The following DOCK1 variants were observed in gnomAD, a reference collection of about 807,000 sequenced individuals.
The protein encoded by DOCK1 is dedicator of cytokinesis protein 1.
In DOCK1, 138 loss-of-function variants were observed where a neutral mutation model predicts 262.7. The observed-to-expected ratio is 0.53, with a 90% CI of 0.46 to 0.61. The LOEUF (loss-of-function observed/expected upper bound fraction) is 0.61. DOCK1 is among the 20% of genes least tolerant of loss of function. The pLI, the probability that DOCK1 is intolerant of heterozygous loss-of-function variation, is 0.00. For missense variants in DOCK1, 1,908 were observed against 2,370.7 expected, an observed-to-expected ratio of 0.80 and a Z score of 4.05; for synonymous variants, 866 against 867.4, an observed-to-expected ratio of 1.00 and a Z score of 0.03.
At chr10:127,231,316 G>C (rs1203528692) in intron 27 of DOCK1, among the ~76,000 whole-genome samples, 1 of 151,032 alleles carries the variant, frequency 6.6e-6, no homozygotes, top group African/African-American at 2.4e-5. Flanking sequence ...TACGAATTCA[G>C]TACTATTCGA....
intron 23 of DOCK1, among the ~76,000 whole-genome samples, chr10:127,069,653 G>A (rs972653073): frequency 6.6e-6 from 1 of 152,102 alleles, no homozygotes. Context: ...GACCGTCTAG[G>A]TCACATTGTC....
At chr10:127,403,270 C>T in intron 39 of DOCK1, 126 bp downstream of exon 39, 7 of 874,062 alleles carry the variant, frequency 8.0e-6, no homozygotes, top group Non-Finnish European at 1.0e-5. Flanking sequence ...CATGTCCCTC[C>T]GTTTTGCCTA....
intron 12 of DOCK1, among the ~76,000 whole-genome samples, chr10:127,014,411 TA>T (rs1430932060): frequency 9.9e-5 from 15 of 151,658 alleles, no homozygotes. Flanking sequence ...TTTCCATTTT[TA>T]AAGCGTGTGG....
intron 30 of DOCK1, among the ~76,000 whole-genome samples, chr10:127,342,068 CTGCTGCTGTTGCTGTTGCTGTTGTTGT>C (rs1480155391): frequency 1.3e-5 from 2 of 151,442 alleles, no homozygotes; most frequent in South Asian, 2.1e-4. Flanking sequence ...GTTGTTGTTG[CTGCTGCTGTTGCTGTTGCTGTTGTTGT>C]TGCTGCTGCT....
At chr10:127,261,751 CTG>C (rs1375197969) in intron 29 of DOCK1, among the ~76,000 whole-genome samples, 1 of 101,872 alleles carries the variant, frequency 9.8e-6, no homozygotes, top group Non-Finnish European at 1.9e-5. Context: ...CCGTGCTCAT[CTG>C]TGTGTGTGCA....
intron 1 of DOCK1, among the ~76,000 whole-genome samples, chr10:126,923,723 T>C (rs2033428986): frequency 6.6e-6 from 1 of 152,206 alleles, no homozygotes; most frequent in Admixed American, 6.5e-5. Context: ...TGTGCGATGG[T>C]CCGTACCCTC....
At chr10:127,274,017 A>T (rs2060657902) in intron 29 of DOCK1, among the ~76,000 whole-genome samples, 1 of 152,204 alleles carries the variant, frequency 6.6e-6, no homozygotes, top group Non-Finnish European at 1.5e-5. Context: ...AGTGTTTCTT[A>T]TGAGATACGC....
intron 31 of DOCK1, among the ~76,000 whole-genome samples, chr10:127,345,771 T>G (rs943923058): frequency 2.0e-5 from 3 of 152,170 alleles, no homozygotes; most frequent in Non-Finnish European, 4.4e-5. Flanking sequence ...AGGCTGCATC[T>G]TCTGGAGACT....
intron 29 of DOCK1, among the ~76,000 whole-genome samples, chr10:127,291,305 G>T (rs904971817): frequency 2.6e-5 from 4 of 152,192 alleles, no homozygotes; most frequent in Admixed American, 6.5e-5. Context: ...CTTCCTTCCT[G>T]CATGCCCTGT....
At position 126,928,696 on chromosome 10, in the gene DOCK1, C is replaced by T. The variant is rs1002264475; in HGVS notation, c.46+23133C>T. On this transcript the variant is annotated intron_variant, in intron 1 of 51. Transcript: ENST00000623213. ...ATGTCCTTGTTAAGAAGAGGAGGGA[C>T]GCATGAGAACTCAGCCATGTGAGGA... Among the ~76,000 whole-genome samples, 307 of 152,320 alleles carry T rather than the reference C, an allele frequency of 2.0e-3. 5 individuals are homozygous for T. Among genetic ancestry groups the T allele is most frequent in the African/African-American group, 6.8e-3 (282 of 41,580 alleles).
At chr10:127,101,561 A>G (rs2048249333) in intron 23 of DOCK1, among the ~76,000 whole-genome samples, 1 of 152,232 alleles carries the variant, frequency 6.6e-6, no homozygotes, top group African/African-American at 2.4e-5. Context: ...CAGGGGGCAC[A>G]ACCCCTTCTC....
intron 27 of DOCK1, among the ~76,000 whole-genome samples, chr10:127,139,264 C>T (rs139362774): frequency 8.9e-4 from 136 of 152,250 alleles, no homozygotes; most frequent in African/African-American, 3.1e-3. Context: ...TTTGGAAAGA[C>T]AGAAACAGCC....
chr10:127,290,210 G>T (rs1189239718), intron 29 of DOCK1, among the ~76,000 whole-genome samples: 1 of 151,934 alleles, frequency 6.6e-6, no homozygotes, highest in African/African-American at 2.4e-5. Context: ...TGAAATGAAT[G>T]CTGTAGATCA....
chr10:127,155,306 G>A (rs1162555125), intron 27 of DOCK1, among the ~76,000 whole-genome samples: 1 of 152,088 alleles, frequency 6.6e-6, no homozygotes, highest in Non-Finnish European at 1.5e-5. Flanking sequence ...TGCCGTGATT[G>A]TCTCAGTGGG....
chr10:127,136,660 GA>G (rs2050727907), intron 27 of DOCK1: 1 of 152,632 alleles, frequency 6.6e-6, no homozygotes, highest in African/African-American at 2.4e-5. Flanking sequence ...GTAATCAAGA[GA>G]GAACTCTAAG....
chr10:126,963,936 A>G (rs1209259078), intron 1 of DOCK1, among the ~76,000 whole-genome samples: 1 of 152,094 alleles, frequency 6.6e-6, no homozygotes, highest in Non-Finnish European at 1.5e-5. Context: ...AAGCTTGGTG[A>G]TGGCGTGGCT....
chr10:126,943,485 AC>A (rs1347618793), intron 1 of DOCK1, among the ~76,000 whole-genome samples: 1 of 152,200 alleles, frequency 6.6e-6, no homozygotes, highest in Non-Finnish European at 1.5e-5. Flanking sequence ...TTGAGGTTAA[AC>A]GAGTAAGTGT....
At chr10:127,056,209 G>A (rs2045132288) in intron 22 of DOCK1, among the ~76,000 whole-genome samples, 1 of 152,104 alleles carries the variant, frequency 6.6e-6, no homozygotes, top group African/African-American at 2.4e-5. Context: ...TCATGATGAT[G>A]ATGATGATGA....
chr10:127,069,600 C>G (rs1447469242), intron 23 of DOCK1, among the ~76,000 whole-genome samples: 1 of 152,188 alleles, frequency 6.6e-6, no homozygotes, highest in East Asian at 1.9e-4. Flanking sequence ...ATTTGAGAGT[C>G]TCTCATCATT....
Sources: allele counts gnomAD v4.1 joint callset (sites outside exome capture counted in the v4.1 genomes callset), GRCh38; gene constraint gnomAD v4.1.1; transcripts MANE v1.5; gene names NCBI Gene and HGNC (gene_info 2026-07-23, HGNC 2026-07-21).